The following SHLD1 variants were observed in gnomAD, a reference collection of about 807,000 sequenced individuals.
SHLD1 encodes shieldin complex subunit 1.
Under a neutral mutation model 5.5 loss-of-function variants are expected in SHLD1, and 3 were observed. The observed-to-expected ratio is 0.54, with a 90% CI of 0.25 to 1.40. The LOEUF is 1.40. SHLD1 is among the 40% of genes most tolerant of loss of function. The pLI is 0.15. For synonymous variants in SHLD1, 92 were observed against 94.3 expected (o/e 0.98, Z 0.14); for missense variants, 210 against 244.4 (o/e 0.86, Z 0.94).
At chr20:5,841,654 T>C (rs2087862537) in intron 2 of SHLD1, among the ~76,000 whole-genome samples, 1 of 152,256 alleles carries the variant, frequency 6.6e-6, no homozygotes, top group South Asian at 2.1e-4. Flanking sequence ...AATAACTCCA[T>C]GACTCATAAT....
At chr20:5,838,530 G>A (rs942674891) in intron 2 of SHLD1, among the ~76,000 whole-genome samples, 1 of 152,222 alleles carries the variant, frequency 6.6e-6, no homozygotes, top group Non-Finnish European at 1.5e-5. Flanking sequence ...GGAGGCCAAG[G>A]CAGGCAGATC....
intron 2 of SHLD1, among the ~76,000 whole-genome samples, chr20:5,830,469 C>A (rs1258959595): frequency 6.6e-6 from 1 of 152,086 alleles, no homozygotes; most frequent in African/African-American, 2.4e-5. Context: ...CACCTAAGGT[C>A]GGGAGTTCTA....
rs114557101 is a variant in SHLD1 at position 5,763,005 on chromosome 20, C to A, written c.-4-9857C>A. ...AAAAAAAAAAAATAGCACCTAATTG[C>A]CACAAAGAAGTGTGTCTGTGGCTGG... On this transcript the variant is annotated intron_variant, in intron 1 of 2. Coordinates refer to ENST00000303142, the MANE Select transcript of SHLD1 (RefSeq NM_152504.4). Among the ~76,000 whole-genome samples, 966 of 149,546 alleles carry A rather than the reference C, an allele frequency of 6.5e-3. 9 individuals carry two copies. The highest frequency in any genetic ancestry group is 0.022 in the African/African-American group (911 of 40,690).
At chr20:5,831,138 C>A (rs544991330) in intron 2 of SHLD1, among the ~76,000 whole-genome samples, 8 of 152,314 alleles carry the variant, frequency 5.3e-5, no homozygotes, top group African/African-American at 1.9e-4. Context: ...CACAGCAGTG[C>A]AGACCATTGA....
chr20:5,778,822 C>T (rs986202449), intron 2 of SHLD1, among the ~76,000 whole-genome samples: 14 of 152,156 alleles, frequency 9.2e-5, no homozygotes, highest in African/African-American at 3.1e-4. Flanking sequence ...ATTTTAACAT[C>T]ACTAGGAGAC....
At position 5,850,313 on chromosome 20, in the gene SHLD1, C is replaced by G. The variant is rs1025449127; in HGVS notation, c.179-12711C>G. 2.0e-5 allele frequency among the ~76,000 whole-genome samples: 3 copies of G among 151,770 alleles called. No individual in the cohort carries two copies. In the East Asian group the frequency reaches 5.8e-4, roughly 29 times the overall value. Reference sequence around the variant, plus strand: ...ACCTGGCTTCTTAGTCTAGCCCCCACGCCCTCCAGAGCCTAACCCCATTTC... The same window carrying G: ...ACCTGGCTTCTTAGTCTAGCCCCCAGGCCCTCCAGAGCCTAACCCCATTTC... On this transcript the variant is annotated intron_variant, in intron 2 of 2. Coordinates refer to ENST00000303142, the MANE Select transcript of SHLD1 (RefSeq NM_152504.4).
chr20:5,828,622 G>T (rs2087693193), intron 2 of SHLD1, among the ~76,000 whole-genome samples: 2 of 152,112 alleles, frequency 1.3e-5, no homozygotes, highest in African/African-American at 4.8e-5. Flanking sequence ...GTAATATTGG[G>T]GGAATTATTC....
rs1260439063 is a variant in SHLD1, at chr20:5,863,077, T to C, written c.232T>C (p.Trp78Arg). 3 of 1,613,954 alleles carry C rather than the reference T, an allele frequency of 1.9e-6. No individual in the cohort carries two copies. The highest frequency in any genetic ancestry group is 2.5e-6 in the Non-Finnish European group (3 of 1,179,976). Reference protein sequence around the residue: ...QNNSWTAENFWLDPAVKGQSE... With the variant: ...QNNSWTAENFRLDPAVKGQSE... ...TAACTCCTGGACCGCTGAGAACTTCTGGCTTGACCCTGCTGTGAAAGGCCA... is the reference window on the plus strand; with the variant it reads ...TAACTCCTGGACCGCTGAGAACTTCCGGCTTGACCCTGCTGTGAAAGGCCA... The change falls in exon 3 of 3, where the codon TGG becomes CGG. Residue 78 changes from tryptophan (W) to arginine (R), a missense_variant. By Grantham distance (101) the Trp-to-Arg change is moderately radical (BLOSUM62 -3). Coordinates refer to ENST00000303142, the MANE Select transcript of SHLD1 (RefSeq NM_152504.4).
At chr20:5,793,809 G>A (rs1370972748) in intron 2 of SHLD1, among the ~76,000 whole-genome samples, 2 of 152,090 alleles carry the variant, frequency 1.3e-5, no homozygotes, top group Non-Finnish European at 2.9e-5. Context: ...CCTGGTTCAA[G>A]TGATTCTCCT....
rs549419110 is a variant in SHLD1, at chr20:5,825,078, A to T, written c.179-37946A>T. ...GATTCAGCCTTTGTTGGTTTCTATGACTATGAAGGTATGGAACATCATTCA... is the reference window on the plus strand; with the variant it reads ...GATTCAGCCTTTGTTGGTTTCTATGTCTATGAAGGTATGGAACATCATTCA... On this transcript the variant is annotated intron_variant, in intron 2 of 2. Transcript: ENST00000303142. 6.6e-5 allele frequency among the ~76,000 whole-genome samples: 10 copies of T among 152,366 alleles called. No individual in the cohort carries two copies. The South Asian group carries it at 2.1e-3, about 32-fold the overall frequency.
At chr20:5,792,685 A>G (rs2087158376) in intron 2 of SHLD1, among the ~76,000 whole-genome samples, 1 of 145,780 alleles carries the variant, frequency 6.9e-6, no homozygotes, top group Admixed American at 6.9e-5. Flanking sequence ...TTTTTAAAAA[A>G]AAAAAAGAAA....
At chr20:5,775,923 A>ATGTTTTTTTTTTTTT (rs1985401809) in intron 2 of SHLD1, among the ~76,000 whole-genome samples, 2 of 77,676 alleles carry the variant, frequency 2.6e-5, no homozygotes, top group African/African-American at 6.0e-5. Context: ...TCAGCTCAGG[A>ATGTTTTTTTTTTTTT]TTTTTTTTTT....
At chr20:5,859,319 G>A (rs2122511142) in intron 2 of SHLD1, among the ~76,000 whole-genome samples, 1 of 152,238 alleles carries the variant, frequency 6.6e-6, no homozygotes, top group East Asian at 1.9e-4. Context: ...TTTGGGAGAT[G>A]GACCATTCTT....
chr20:5,786,456 T>A (rs756753079), intron 2 of SHLD1, among the ~76,000 whole-genome samples: 1 of 152,016 alleles, frequency 6.6e-6, no homozygotes, highest in African/African-American at 2.4e-5. Context: ...GCACCTACAG[T>A]CCCAGGTACT....
intron 2 of SHLD1, among the ~76,000 whole-genome samples, chr20:5,857,958 G>A (rs1433483503): frequency 6.6e-6 from 1 of 152,144 alleles, no homozygotes; most frequent in Non-Finnish European, 1.5e-5. Context: ...AATTAGCCGG[G>A]CATGGTGGCG....
At chr20:5,849,708 C>T (rs943277982) in intron 2 of SHLD1, among the ~76,000 whole-genome samples, 1 of 151,942 alleles carries the variant, frequency 6.6e-6, no homozygotes, top group African/African-American at 2.4e-5. Context: ...GCCTGTAATC[C>T]CAGCACTTTG....
intron 2 of SHLD1, among the ~76,000 whole-genome samples, chr20:5,800,064 T>C (rs2087270196): frequency 1.3e-5 from 2 of 152,226 alleles, no homozygotes; most frequent in African/African-American, 4.8e-5. Context: ...GGAGACATTT[T>C]TGGTTGTTGC....
chr20:5,823,132 C>A (rs903614277), intron 2 of SHLD1, among the ~76,000 whole-genome samples: 1 of 151,798 alleles, frequency 6.6e-6, no homozygotes, highest in Non-Finnish European at 1.5e-5. Flanking sequence ...CACTGTTGAT[C>A]CCCCCCTTCC....
At chr20:5,752,709 C>T (rs950123658) in intron 1 of SHLD1, among the ~76,000 whole-genome samples, 49 of 150,184 alleles carry the variant, frequency 3.3e-4, no homozygotes, top group Non-Finnish European at 6.1e-4. Flanking sequence ...CTCTGCTTCC[C>T]AGGTTCAAGC....
Sources: allele counts gnomAD v4.1 joint callset (sites outside exome capture counted in the v4.1 genomes callset), GRCh38; gene constraint gnomAD v4.1.1; transcripts MANE v1.5; gene names NCBI Gene and HGNC (gene_info 2026-07-23, HGNC 2026-07-21).